Variants in ZNF627 observed in about 807,000 individuals in gnomAD.
ZNF627 encodes the protein zinc finger protein 627.
ZNF627 carries 12 observed loss-of-function variants against 10.6 expected under a neutral mutation model. The observed-to-expected ratio is 1.13, with a 90% confidence interval of 0.73 to 1.84. The LOEUF is 1.84. Among genes scored for constraint, ZNF627 ranks in the 40% most tolerant of loss-of-function variants. ZNF627 has a pLI of 0.00. For synonymous variants in ZNF627, 176 were observed against 187.1 expected (o/e 0.94, Z 0.48); for missense variants, 504 against 568.4 (o/e 0.89, Z 1.15).
At chr19:11,605,804 T>C (rs562511084) in intron 1 of ZNF627, among the ~76,000 whole-genome samples, 38 of 151,880 alleles carry the variant, frequency 2.5e-4, no homozygotes, top group Non-Finnish European at 5.1e-4. Flanking sequence ...CTCCCAACAG[T>C]CCCCCAAAGT....
intron 1 of ZNF627, among the ~76,000 whole-genome samples, chr19:11,609,471 T>TTATATATATATATATATATATA (rs1168205815): frequency 7.4e-5 from 4 of 54,000 alleles, no homozygotes; most frequent in Non-Finnish European, 1.5e-4. Context: ...TTAAAAAATT[T>TTATATATATATATATATATATA]TATATATATA....
At chr19:11,614,023 G>T (rs1187024010) in intron 1 of ZNF627, among the ~76,000 whole-genome samples, 1 of 148,168 alleles carries the variant, frequency 6.7e-6, no homozygotes, top group African/African-American at 2.5e-5. Context: ...CTGGGTTCAC[G>T]CCATTCTTCT....
intron 1 of ZNF627, 51 bp downstream of exon 1, chr19:11,597,681 A>G (rs1329268772): frequency 1.7e-5 from 23 of 1,328,236 alleles, no homozygotes; most frequent in Non-Finnish European, 2.1e-5. Flanking sequence ...GGCTGGTTGG[A>G]ACCGGCCGGA....
chr19:11,607,326 G>A (rs1192997863), intron 1 of ZNF627, among the ~76,000 whole-genome samples: 1 of 151,828 alleles, frequency 6.6e-6, no homozygotes, highest in Non-Finnish European at 1.5e-5. Flanking sequence ...AGTAGAGAAG[G>A]GGTTTCTCTA....
chr19:11,613,902 A>G (rs1337086568), intron 1 of ZNF627, among the ~76,000 whole-genome samples: 1 of 146,530 alleles, frequency 6.8e-6, no homozygotes, highest in Non-Finnish European at 1.5e-5. Context: ...TTTTTTCTGC[A>G]CTCTAGTTAC....
Position 11,617,188 on chromosome 19 carries a change from G to C in ZNF627, c.685G>C (p.Gly229Arg). Reference protein sequence around the residue: ...GEKPYECKQCGKAFSCSSYIR... With the variant: ...GEKPYECKQCRKAFSCSSYIR... The stretch of plus-strand genomic sequence containing the variant: ...GAAACCTTATGAATGCAAGCAATGT[G>C]GGAAAGCCTTCAGTTGTTCCAGTTA... The change falls in exon 4 of 4, where the codon GGG becomes CGG. Residue 229 changes from glycine (G) to arginine (R), a missense_variant. By Grantham distance (125) the Gly-to-Arg change is moderately radical. Transcript: ENST00000361113. 6.2e-7 allele frequency: 1 copy of C among 1,613,870 alleles called. No homozygotes were observed. The highest frequency in any genetic ancestry group is 1.7e-5 in the Admixed American group (1 of 59,972).
chr19:11,616,400 G>T (rs1271554978), intron 3 of ZNF627, among the ~76,000 whole-genome samples: 1 of 151,946 alleles, frequency 6.6e-6, no homozygotes, highest in Admixed American at 6.6e-5. Context: ...AGACCATTTA[G>T]TCCACTCATG....
chr19:11,617,019 T>C lies in ZNF627; in HGVS notation c.516T>C (p.Cys172=). The change falls in exon 4 of 4, where the codon TGT becomes TGC. Residue 172 remains cysteine (C), a synonymous_variant. Coordinates refer to ENST00000361113, the MANE Select transcript of ZNF627 (RefSeq NM_145295.4). ...PGGKPYDCKE[C]GETFISLVSI... ...GAAAGCCCTATGATTGTAAGGAATG[T>C]GGAGAAACCTTTATTTCTCTTGTAA... 1 of 1,614,096 alleles carries C rather than the reference T, an allele frequency of 6.2e-7. No individual in the cohort carries two copies. Among genetic ancestry groups the C allele is most frequent in the Non-Finnish European group, 8.5e-7 (1 of 1,179,990 alleles).
chr19:11,600,553 T>A (rs1264180597), intron 1 of ZNF627, among the ~76,000 whole-genome samples: 1 of 152,092 alleles, frequency 6.6e-6, no homozygotes, highest in Non-Finnish European at 1.5e-5. Context: ...ATTCCAGGGC[T>A]TAGTGTTGGG....
chr19:11,613,920 T>A (rs1250289263), intron 1 of ZNF627, among the ~76,000 whole-genome samples: 1 of 54,614 alleles, frequency 1.8e-5, no homozygotes, highest in African/African-American at 5.0e-5. Context: ...TACTAGATTT[T>A]TTTTTTTTTT....
At chr19:11,602,232 G>T (rs1227244443) in intron 1 of ZNF627, among the ~76,000 whole-genome samples, 2 of 152,010 alleles carry the variant, frequency 1.3e-5, no homozygotes, top group Non-Finnish European at 2.9e-5. Flanking sequence ...TTCAGGGGCT[G>T]GAGGAAGAAG....
chr19:11,614,385 C>A, intron 1 of ZNF627, 142 bp from the exon 2 acceptor site: 1 of 1,345,508 alleles, frequency 7.4e-7, no homozygotes, highest in Non-Finnish European at 1.0e-6. Context: ...TGAGTCTAGA[C>A]AGAGGGTAAG....
At chr19:11,613,848 G>C (rs1337197416) in intron 1 of ZNF627, among the ~76,000 whole-genome samples, 1 of 151,400 alleles carries the variant, frequency 6.6e-6, no homozygotes. Flanking sequence ...TTGTGAACAA[G>C]CATTTCTAAA....
rs370440412 is a variant in ZNF627, at chr19:11,598,313, C to T, written c.3+683C>T. Among the ~76,000 whole-genome samples the T allele has an allele frequency of 1.2e-4, 19 of 152,216 alleles. No individual in the cohort carries two copies. In the South Asian group the frequency reaches 3.3e-3, roughly 27 times the overall value. On this transcript the variant is annotated intron_variant, in intron 1 of 3. Transcript: ENST00000361113. ...CTTTTGGAGGCCAAGACAGGAGGATCGCTTGGGCCCAGGAGTTGAAGATCA... is the reference window on the plus strand; with the variant it reads ...CTTTTGGAGGCCAAGACAGGAGGATTGCTTGGGCCCAGGAGTTGAAGATCA...
intron 3 of ZNF627, among the ~76,000 whole-genome samples, chr19:11,615,609 G>A (rs28671573): frequency 0.45 from 65,680 of 145,724 alleles, 14,694 homozygotes; most frequent in Admixed American, 0.52. Flanking sequence ...TCTCAAAAAA[G>A]AAAAAAAGAA....
chr19:11,619,025 C>T lies in ZNF627; in HGVS notation c.*1136C>T, dbSNP rs184180962. On this transcript the variant is annotated 3_prime_UTR_variant, in exon 4 of 4. Coordinates refer to ENST00000361113, the MANE Select transcript of ZNF627 (RefSeq NM_145295.4). ...GTAATTTCTCATCTACTCATAATAC[C>T]AAAAGTTAAGTCATGCTGTTTTGTG... 4.3e-4 allele frequency: 65 copies of T among 152,064 alleles called. No individual in the cohort carries two copies. The highest frequency in any genetic ancestry group is 1.5e-3 in the African/African-American group (63 of 41,464). The allele number at this position is 152,064 out of a possible 1,614,324, so 9.4% of individuals were successfully genotyped here.
intron 1 of ZNF627, among the ~76,000 whole-genome samples, chr19:11,612,322 G>C (rs1355679882): frequency 1.3e-5 from 2 of 148,984 alleles, no homozygotes; most frequent in African/African-American, 2.5e-5. Flanking sequence ...GGGTTTCACT[G>C]TGTTAGCCAG....
intron 1 of ZNF627, chr19:11,604,174 C>T (rs1048408493): frequency 2.0e-5 from 3 of 152,034 alleles, no homozygotes; most frequent in African/African-American, 4.8e-5. Flanking sequence ...CTAAAGTTTA[C>T]ACTTCATCAA....
At chr19:11,600,009 G>A (rs1232210040) in intron 1 of ZNF627, among the ~76,000 whole-genome samples, 1 of 152,156 alleles carries the variant, frequency 6.6e-6, no homozygotes, top group Admixed American at 6.6e-5. Flanking sequence ...ACTTATTGCA[G>A]TTTCAGTTTT....
Sources: gnomAD v4.1 joint callset for allele counts (sites outside exome capture counted in the v4.1 genomes callset) on GRCh38, gnomAD v4.1.1 for gene constraint, MANE v1.5 for transcripts, NCBI Gene and HGNC (gene_info 2026-07-23, HGNC 2026-07-21) for gene names.